Variants in PCDH15 observed in about 807,000 individuals in gnomAD.
The protein encoded by PCDH15 is protocadherin related 15, also known as protocadherin-15.
Under a neutral mutation model 178.5 loss-of-function variants are expected in PCDH15, and 129 were observed. The ratio of observed to expected loss-of-function variants is 0.72; its 90% CI spans 0.63 to 0.84. The LOEUF (loss-of-function observed/expected upper bound fraction) is 0.84, where lower values mean the gene tolerates loss of function less well. PCDH15 is among the 40% of genes least tolerant of loss of function. The pLI, the probability that PCDH15 is intolerant of heterozygous loss-of-function variation, is 0.00. For missense variants in PCDH15, 2,230 were observed against 2,099.9 expected, an observed-to-expected ratio of 1.06 and a Z score of -1.21; for synonymous variants, 800 against 732.0, an observed-to-expected ratio of 1.09 and a Z score of -1.50.
chr10:55,394,524 T>C (rs1241017125), intron 2 of PCDH15, among the ~76,000 whole-genome samples: 1 of 151,988 alleles, frequency 6.6e-6, no homozygotes, highest in Non-Finnish European at 1.5e-5. Flanking sequence ...GCCCCAGATC[T>C]CAATATACAG....
At chr10:54,771,966 T>C (rs1012088009) in intron 1 of PCDH15, among the ~76,000 whole-genome samples, 8 of 152,162 alleles carry the variant, frequency 5.3e-5, no homozygotes, top group Non-Finnish European at 7.4e-5. Flanking sequence ...TGTAATTCTT[T>C]ATAAGTATTC....
intron 2 of PCDH15, among the ~76,000 whole-genome samples, chr10:55,514,241 C>A (rs1840955320): frequency 6.6e-6 from 1 of 152,070 alleles, no homozygotes; most frequent in South Asian, 2.1e-4. Flanking sequence ...GAGATGCCAT[C>A]AAATTACAAG....
intron 14 of PCDH15, among the ~76,000 whole-genome samples, chr10:54,135,893 T>C (rs766886266): frequency 1.1e-4 from 16 of 152,134 alleles, no homozygotes; most frequent in Non-Finnish European, 2.2e-4. Context: ...AGCATAAAGA[T>C]GAAATAAGTT....
chr10:54,780,658 G>A (rs965996227), intron 1 of PCDH15, among the ~76,000 whole-genome samples: 1 of 150,328 alleles, frequency 6.7e-6, no homozygotes, highest in Admixed American at 6.7e-5. Flanking sequence ...AAAGAGTAGG[G>A]CTCCACACAT....
At chr10:54,950,840 T>A (rs1838321284) in intron 2 of PCDH15, among the ~76,000 whole-genome samples, 1 of 151,906 alleles carries the variant, frequency 6.6e-6, no homozygotes, top group South Asian at 2.1e-4. Flanking sequence ...AAACTATATC[T>A]GTTTATATTT....
At chr10:54,530,920 A>C (rs1479104319) in intron 2 of PCDH15, among the ~76,000 whole-genome samples, 1 of 152,222 alleles carries the variant, frequency 6.6e-6, no homozygotes, top group Non-Finnish European at 1.5e-5. Flanking sequence ...ACGACAGCAT[A>C]ATTAATTAGT....
chr10:53,876,129 C>T (rs527915614), intron 26 of PCDH15, among the ~76,000 whole-genome samples: 11 of 151,472 alleles, frequency 7.3e-5, no homozygotes, highest in Non-Finnish European at 1.5e-4. Flanking sequence ...TTGCAAAAAG[C>T]AAAAATAACA....
At chr10:54,510,848 A>G (rs2081585754) in intron 3 of PCDH15, among the ~76,000 whole-genome samples, 1 of 152,188 alleles carries the variant, frequency 6.6e-6, no homozygotes, top group South Asian at 2.1e-4. Flanking sequence ...GCCATCTAAC[A>G]TAAAAATGTG....
chr10:54,911,615 C>A (rs1044631539), intron 2 of PCDH15, among the ~76,000 whole-genome samples: 3 of 152,096 alleles, frequency 2.0e-5, no homozygotes, highest in African/African-American at 7.2e-5. Flanking sequence ...GGCTTTGAGT[C>A]CCTACCTAAA....
At chr10:53,898,302 A>T (rs2133592261) in intron 26 of PCDH15, among the ~76,000 whole-genome samples, 1 of 152,228 alleles carries the variant, frequency 6.6e-6, no homozygotes. Context: ...GTTGTTGTAA[A>T]TAGCACTTCT....
At chr10:55,094,513 C>T (rs922617186) in intron 2 of PCDH15, among the ~76,000 whole-genome samples, 1 of 151,738 alleles carries the variant, frequency 6.6e-6, no homozygotes, top group African/African-American at 2.4e-5. Context: ...GCATGTTATG[C>T]ACATGTACCC....
chr10:55,168,905 AG>A (rs769386403), intron 1 of PCDH15, among the ~76,000 whole-genome samples: 11 of 152,284 alleles, frequency 7.2e-5, no homozygotes, highest in Non-Finnish European at 1.5e-4. Flanking sequence ...GTTATAAATT[AG>A]ATCTTAAATA....
At chr10:54,537,988 T>A (rs1401960566) in intron 2 of PCDH15, among the ~76,000 whole-genome samples, 2 of 152,220 alleles carry the variant, frequency 1.3e-5, no homozygotes, top group African/African-American at 4.8e-5. Context: ...TTAAATTATT[T>A]AAGTTTCTTA....
intron 2 of PCDH15, among the ~76,000 whole-genome samples, chr10:54,976,182 G>A (rs1364442784): frequency 6.6e-6 from 1 of 152,094 alleles, no homozygotes; most frequent in Admixed American, 6.6e-5. Context: ...TGTAGAAGAT[G>A]AGAAAATGAC....
chr10:54,143,001 A>G (rs1208501282), intron 14 of PCDH15, among the ~76,000 whole-genome samples: 3 of 152,136 alleles, frequency 2.0e-5, no homozygotes, highest in African/African-American at 7.2e-5. Flanking sequence ...AACCTTTGAT[A>G]CTCGACAGAA....
intron 2 of PCDH15, among the ~76,000 whole-genome samples, chr10:55,336,275 G>A (rs988223898): frequency 3.3e-5 from 5 of 151,972 alleles, no homozygotes; most frequent in African/African-American, 1.2e-4. Context: ...CGACACGGGT[G>A]GATCAAGAGG....
chr10:54,245,727 C>A (rs921900404), intron 8 of PCDH15, among the ~76,000 whole-genome samples: 2 of 150,264 alleles, frequency 1.3e-5, no homozygotes, highest in African/African-American at 2.5e-5. Flanking sequence ...AAATAAAAAG[C>A]AGGTTAAGTT....
At chr10:54,132,807 C>T (rs2042547118) in intron 15 of PCDH15, 68 bp downstream of exon 15, 2 of 1,552,236 alleles carry the variant, frequency 1.3e-6, no homozygotes, top group African/African-American at 2.7e-5. Context: ...AATATAAACT[C>T]ATTAAATGCC....
intron 2 of PCDH15, among the ~76,000 whole-genome samples, chr10:55,135,262 CTA>C (rs1440105869): frequency 6.6e-6 from 1 of 152,128 alleles, no homozygotes; most frequent in African/African-American, 2.4e-5. Flanking sequence ...GGATCTGACT[CTA>C]TTTCTGGTGT....
Sources: gnomAD v4.1 joint callset for allele counts (sites outside exome capture counted in the v4.1 genomes callset) on GRCh38, gnomAD v4.1.1 for gene constraint, MANE v1.5 for transcripts, NCBI Gene and HGNC (gene_info 2026-07-23, HGNC 2026-07-21) for gene names.